The following ENOX2 variants were observed in gnomAD, a reference collection of about 807,000 sequenced individuals.
ENOX2 encodes APK1 antigen.
In ENOX2, 36 loss-of-function variants were observed where a neutral mutation model predicts 45.0. That is an observed-to-expected ratio of 0.80 (90% CI 0.61 to 1.06). The LOEUF is 1.06. Ranked by LOEUF, ENOX2 falls within the 50% of genes least tolerant of loss-of-function variation. The pLI, the probability that ENOX2 is intolerant of heterozygous loss-of-function variation, is 0.00. For missense variants in ENOX2, 423 were observed against 462.5 expected (o/e 0.91, Z 0.78); for synonymous variants, 174 against 152.3 (o/e 1.14, Z -1.05).
intron 4 of ENOX2, among the ~76,000 whole-genome samples, chrX:130,699,412 T>C (rs1262737967): frequency 8.9e-6 from 1 of 111,765 alleles, no homozygotes; most frequent in Non-Finnish European, 1.9e-5. Context: ...TAGTTTTTCA[T>C]CAATGTCAAA....
intron 2 of ENOX2, among the ~76,000 whole-genome samples, chrX:130,884,742 G>GAGAA (rs1188555485): frequency 3.6e-5 from 4 of 110,936 alleles, no homozygotes; most frequent in African/African-American, 1.3e-4. Context: ...GAGAGAGAGA[G>GAGAA]AGAAAGAGAG....
chrX:130,784,559 A>T (rs2148398438), intron 2 of ENOX2, among the ~76,000 whole-genome samples: 1 of 109,938 alleles, frequency 9.1e-6, no homozygotes, highest in Admixed American at 9.7e-5. Flanking sequence ...AAGGGGGGGA[A>T]ATCAGGTTGG....
chrX:130,856,112 G>A (rs2078304686), intron 2 of ENOX2, among the ~76,000 whole-genome samples: 1 of 112,149 alleles, frequency 8.9e-6, no homozygotes, highest in African/African-American at 3.2e-5. Context: ...TATATTACTG[G>A]TGGGAATGTA....
chrX:130,634,950 G>T, intron 12 of ENOX2, 34 bp downstream of exon 12: 1 of 780,205 alleles, frequency 1.3e-6, no homozygotes. Context: ...TAGGTAAAGG[G>T]GCAAGGAAAA....
chrX:130,713,412 AGGTTGGACCCAGGGGTTCT>A (rs1215480880), intron 3 of ENOX2, among the ~76,000 whole-genome samples: 3 of 111,563 alleles, frequency 2.7e-5, no homozygotes, highest in East Asian at 2.8e-4. Context: ...GAATAGGTTA[AGGTTGGACCCAGGGGTTCT>A]GGTTGGACCC....
chrX:130,744,292 T>C (rs188641655), intron 3 of ENOX2, among the ~76,000 whole-genome samples: 1 of 112,557 alleles, frequency 8.9e-6, no homozygotes, highest in East Asian at 2.8e-4. Context: ...TTCTACTTTA[T>C]CTGTTTTCAA....
At chrX:130,712,770 T>A (rs1447099330) in intron 3 of ENOX2, among the ~76,000 whole-genome samples, 2 of 111,636 alleles carry the variant, frequency 1.8e-5, no homozygotes, top group Admixed American at 9.5e-5. Context: ...AAGTGTACTT[T>A]ACCCTCTTTT....
intron 2 of ENOX2, among the ~76,000 whole-genome samples, chrX:130,876,610 G>A (rs753352417): frequency 5.4e-5 from 6 of 111,756 alleles, no homozygotes; most frequent in Non-Finnish European, 9.4e-5. Context: ...TAAACTGTAT[G>A]ATATGTAAGC....
At chrX:130,732,921 C>T (rs1005762275) in intron 3 of ENOX2, among the ~76,000 whole-genome samples, 1 of 111,520 alleles carries the variant, frequency 9.0e-6, no homozygotes, top group South Asian at 3.8e-4. Context: ...TGTAAAACTC[C>T]TAGATGAAAA....
chrX:130,809,511 G>GT (rs1310320695), intron 2 of ENOX2, among the ~76,000 whole-genome samples: 2 of 111,743 alleles, frequency 1.8e-5, no homozygotes, highest in Non-Finnish European at 3.8e-5. Flanking sequence ...CAAGATCGAT[G>GT]TTTTTTTATT....
chrX:130,762,181 T>C (rs919256867), intron 3 of ENOX2, among the ~76,000 whole-genome samples: 2 of 112,402 alleles, frequency 1.8e-5, no homozygotes, highest in Non-Finnish European at 3.8e-5. Flanking sequence ...TCTTTTCTAA[T>C]GTATATATTT....
At chrX:130,733,349 G>GC (rs777933386) in intron 3 of ENOX2, among the ~76,000 whole-genome samples, 1 of 108,356 alleles carries the variant, frequency 9.2e-6, no homozygotes, top group Admixed American at 1.0e-4. Context: ...TGTTAGAATG[G>GC]CTTTTTTTTT....
intron 3 of ENOX2, among the ~76,000 whole-genome samples, chrX:130,774,710 G>A (rs2039812350): frequency 8.9e-6 from 1 of 111,942 alleles, no homozygotes; most frequent in Non-Finnish European, 1.9e-5. Context: ...TTATAAAAAT[G>A]AAATCTCTTC....
intron 9 of ENOX2, among the ~76,000 whole-genome samples, chrX:130,662,226 A>C (rs1349529266): frequency 8.9e-6 from 1 of 112,267 alleles, no homozygotes; most frequent in Non-Finnish European, 1.9e-5. Context: ...AAAGCAATGA[A>C]AAAGACTCAT....
intron 5 of ENOX2, among the ~76,000 whole-genome samples, chrX:130,684,636 T>C (rs766933088): frequency 5.8e-4 from 65 of 112,104 alleles, no homozygotes; most frequent in Non-Finnish European, 1.1e-3. Context: ...CAAATATTTA[T>C]TGAACACCTA....
At chrX:130,680,913 A>C (rs1289667736) in intron 5 of ENOX2, among the ~76,000 whole-genome samples, 1 of 112,190 alleles carries the variant, frequency 8.9e-6, no homozygotes, top group Non-Finnish European at 1.9e-5. Context: ...TAGCTTCCTC[A>C]CTTTGCTACT....
At chrX:130,789,388 T>C (rs1445642200) in intron 2 of ENOX2, among the ~76,000 whole-genome samples, 1 of 112,175 alleles carries the variant, frequency 8.9e-6, no homozygotes, top group African/African-American at 3.2e-5. Context: ...TCTAACACTT[T>C]TAATGATTGC....
At chrX:130,691,716 T>C (rs937077004) in intron 4 of ENOX2, among the ~76,000 whole-genome samples, 1 of 112,594 alleles carries the variant, frequency 8.9e-6, no homozygotes, top group African/African-American at 3.2e-5. Context: ...CTTCCTTCTA[T>C]TGTTCTGCCT....
At chrX:130,702,474 T>C (rs913212243) in intron 4 of ENOX2, among the ~76,000 whole-genome samples, 1 of 111,813 alleles carries the variant, frequency 8.9e-6, no homozygotes, top group Non-Finnish European at 1.9e-5. Context: ...ATGGCAATTC[T>C]CAAATGTCTT....
Sources: allele counts gnomAD v4.1 joint callset (sites outside exome capture counted in the v4.1 genomes callset), GRCh38; gene constraint gnomAD v4.1.1; transcripts MANE v1.5; gene names NCBI Gene and HGNC (gene_info 2026-07-23, HGNC 2026-07-21).